Variants in C16orf95 observed in about 807,000 individuals in gnomAD.
C16orf95 encodes the protein chromosome 16 open reading frame 95, also known as uncharacterized protein C16orf95.
A neutral mutation model predicts 32.1 loss-of-function variants in C16orf95; 41 were observed. The ratio of observed to expected loss-of-function variants is 1.28; its 90% CI spans 1.00 to 1.66. C16orf95 has a LOEUF of 1.66. Ranked by LOEUF, C16orf95 falls within the 40% of genes most tolerant of loss-of-function variation. The pLI is 0.00. For missense variants in C16orf95, 399 were observed against 325.9 expected (o/e 1.22, Z -1.73); for synonymous variants, 147 against 128.9 (o/e 1.14, Z -0.95).
intron 3 of C16orf95, among the ~76,000 whole-genome samples, chr16:87,313,576 A>G (rs1460049159): frequency 6.6e-6 from 1 of 152,152 alleles, no homozygotes; most frequent in Non-Finnish European, 1.5e-5. Context: ...TCCACGAAAA[A>G]TAAACAAAAT....
intron 3 of C16orf95, among the ~76,000 whole-genome samples, chr16:87,312,693 G>A (rs1253614939): frequency 2.0e-5 from 3 of 152,070 alleles, no homozygotes; most frequent in Non-Finnish European, 4.4e-5. Flanking sequence ...GGTCTAGCCA[G>A]TGTATCAAGC....
At position 87,305,993 on chromosome 16, in the gene C16orf95, C is replaced by T. The variant is rs1018574464; in HGVS notation, c.515-88G>A. On this transcript the variant is annotated intron_variant, in intron 5 of 6. Transcript: ENST00000567970. The surrounding 1 kb of genome is among the most constrained non-coding windows in gnomAD (Gnocchi z 4.2). Reference sequence around the variant, plus strand: ...GAGGCTGCAACACCAGCCCCAGAGCCTCCGGGAAATGGGGACTTCCAGGAC... The same window carrying T: ...GAGGCTGCAACACCAGCCCCAGAGCTTCCGGGAAATGGGGACTTCCAGGAC... 9.2e-7 allele frequency: 1 copy of T among 1,092,032 alleles called. No homozygotes were observed. The highest frequency in any genetic ancestry group is 2.3e-5 in the South Asian group (1 of 44,282). 67.6% of individuals were successfully genotyped at this position (1,092,032 alleles called of 1,614,324 possible).
In C16orf95 at chr16:87,315,767, C is replaced by A. The variant is rs765819998; in HGVS notation, c.204+5G>T. The A allele has an allele frequency of 3.1e-5, 47 of 1,528,718 alleles. No homozygotes were observed. Among genetic ancestry groups the A allele is most frequent in the Non-Finnish European group, 3.8e-5 (44 of 1,143,110 alleles). The allele number at this position is 1,528,718 out of a possible 1,614,324, so 94.7% of individuals were successfully genotyped here. The stretch of plus-strand genomic sequence containing the variant: ...GGCCAGTGGCTGAGGATTTGCTTTC[C>A]TTACCGAATGACGGGGGAGGCACAC... On this transcript the variant is annotated splice_donor_5th_base_variant and intron_variant, in intron 2 of 6. Coordinates refer to ENST00000567970, the MANE Select transcript of C16orf95 (RefSeq NM_001195124.3).
chr16:87,308,108 G>A (rs916943259), intron 5 of C16orf95, among the ~76,000 whole-genome samples: 4 of 152,170 alleles, frequency 2.6e-5, no homozygotes, highest in African/African-American at 9.7e-5. Context: ...GCCTTGCTGT[G>A]GTAGAGAAGG....
At chr16:87,317,018 T>G in intron 1 of C16orf95, 73 bp downstream of exon 1, 1 of 1,452,848 alleles carries the variant, frequency 6.9e-7, no homozygotes, top group South Asian at 1.4e-5. Context: ...GCATAGGTCA[T>G]GGAGCAATGC....
intron 4 of C16orf95, among the ~76,000 whole-genome samples, chr16:87,310,744 G>A (rs952161698): frequency 1.3e-5 from 2 of 152,170 alleles, no homozygotes; most frequent in South Asian, 4.2e-4. Context: ...AGGGCCAGGG[G>A]AGAGAGTCAG....
chr16:87,304,349 CG>C, intron 6 of C16orf95, among the ~76,000 whole-genome samples: 4 of 150,130 alleles, frequency 2.7e-5, no homozygotes, highest in South Asian at 4.4e-4. Context: ...CCACTGTGCC[CG>C]GCCTCGCCCA....
intron 4 of C16orf95, among the ~76,000 whole-genome samples, chr16:87,310,623 G>A (rs1911238288): frequency 6.6e-6 from 1 of 152,208 alleles, no homozygotes; most frequent in Non-Finnish European, 1.5e-5. Flanking sequence ...GAGACCTGCT[G>A]CCGCTGCCCA....
chr16:87,306,946 C>T (rs772252152), intron 5 of C16orf95, among the ~76,000 whole-genome samples: 5 of 152,026 alleles, frequency 3.3e-5, no homozygotes, highest in Non-Finnish European at 7.4e-5. Context: ...GTTTCAAAGC[C>T]AAAAATATTT....
At position 87,302,990 on chromosome 16, in the gene C16orf95, A is replaced by G. The variant is rs558656172; in HGVS notation, c.*67T>C. On this transcript the variant is annotated 3_prime_UTR_variant, in exon 7 of 7. Coordinates refer to ENST00000567970, the MANE Select transcript of C16orf95 (RefSeq NM_001195124.3). ...GTCACAGACGCCTCCTGATTGGTGGACTCTCAAAGATCTTGATCGTGACAC... is the reference window on the plus strand; with the variant it reads ...GTCACAGACGCCTCCTGATTGGTGGGCTCTCAAAGATCTTGATCGTGACAC... 1.5e-4 allele frequency: 218 copies of G among 1,484,588 alleles called. No individual in the cohort carries two copies. The African/African-American group carries it at 2.9e-3, about 20-fold the overall frequency. The allele number at this position is 1,484,588 out of a possible 1,614,324, so 92.0% of individuals were successfully genotyped here.
intron 6 of C16orf95, among the ~76,000 whole-genome samples, chr16:87,304,575 G>C (rs1910925983): frequency 6.6e-6 from 1 of 152,268 alleles, no homozygotes; most frequent in Admixed American, 6.5e-5. Context: ...CTCATGCTCA[G>C]AGACCAAACA....
intron 3 of C16orf95, among the ~76,000 whole-genome samples, chr16:87,314,103 C>G (rs1008332614): frequency 6.6e-6 from 1 of 152,154 alleles, no homozygotes; most frequent in Non-Finnish European, 1.5e-5. Context: ...AAACAGTCAA[C>G]AGGTTTCTTT....
Position 87,317,169 on chromosome 16 carries a change from C to A in C16orf95, c.74G>T (p.Gly25Val). ...CGCGCCCGGCCCCCCGGCAGCAGCG[C>A]CTGAGGCTGCTCCAGTGGCCTCATG... is the stretch of plus-strand genomic sequence containing the variant. ...HHHEATGAAS[G>V]AAAGGPGAGC... The change falls in exon 1 of 7, where the codon GGC (glycine) becomes GTC (valine). Residue 25 changes from glycine (G) to valine (V), a missense_variant. By Grantham distance (109) the Gly-to-Val change is moderately radical (BLOSUM62 -3). Coordinates refer to ENST00000567970, the MANE Select transcript of C16orf95 (RefSeq NM_001195124.3). 8 of 1,531,254 alleles carry A rather than the reference C, an allele frequency of 5.2e-6. No homozygotes were observed. The highest frequency in any genetic ancestry group is 7.0e-6 in the Non-Finnish European group (8 of 1,144,928). 94.9% of individuals were successfully genotyped at this position (1,531,254 alleles called of 1,614,324 possible).
Position 87,305,572 on chromosome 16 carries a change from GAC to G in C16orf95, c.701+145_701+146del. 1 of 609,046 alleles carries G rather than the reference GAC, an allele frequency of 1.6e-6. No homozygotes were observed. The highest frequency in any genetic ancestry group is 2.6e-6 in the Non-Finnish European group (1 of 381,466). 37.7% of individuals were successfully genotyped at this position (609,046 alleles called of 1,614,324 possible). A position where few individuals can be genotyped will look rare whatever the true frequency, so the allele number is the denominator to read the frequency against. ...GCCTGCGCTGTGCAGAGCACCACAG[GAC>G]ACACTCACAGTGCCGGGCCTTGGAC... On this transcript the variant is annotated intron_variant, in intron 6 of 6. Transcript: ENST00000567970. The surrounding 1 kb of genome is among the most constrained non-coding windows in gnomAD (Gnocchi z 4.2).
chr16:87,315,227 A>G (rs1904310067), intron 2 of C16orf95, 131 bp from the exon 3 acceptor site: 3 of 953,154 alleles, frequency 3.1e-6, no homozygotes, highest in Non-Finnish European at 4.5e-6. Context: ...CTCCTACTGC[A>G]GCTTGGAAAG....
At position 87,317,232 on chromosome 16, in the gene C16orf95, C is replaced by T. The variant is rs1169982863; in HGVS notation, c.11G>A (p.Ser4Asn). The T allele has an allele frequency of 6.5e-7, 1 of 1,528,038 alleles. No homozygotes were observed. 94.7% of individuals were successfully genotyped at this position (1,528,038 alleles called of 1,614,324 possible). MRA[S>N]RSPPSPRRCH... ...ACGCCGCGGGGACGGTGGGGACCGG[C>T]TCGCACGCATATGGCTTCTTATGGC... is the stretch of plus-strand genomic sequence containing the variant. Residue 4 changes from serine to asparagine, a missense_variant, in exon 1 of 7, where the codon AGC (serine) becomes AAC (asparagine). Transcript: ENST00000567970.
rs758833926 is a variant in C16orf95 at position 87,317,235 on chromosome 16, G to A, written c.8C>T (p.Ala3Val). The change falls in exon 1 of 7, where the codon GCG becomes GTG. Residue 3 changes from alanine to valine, a missense_variant. Transcript: ENST00000567970. ...CCGCGGGGACGGTGGGGACCGGCTCGCACGCATATGGCTTCTTATGGCTGA... is the reference window on the plus strand; with the variant it reads ...CCGCGGGGACGGTGGGGACCGGCTCACACGCATATGGCTTCTTATGGCTGA... MR[A>V]SRSPPSPRRC... 2.6e-6 allele frequency: 4 copies of A among 1,525,676 alleles called. No homozygotes were observed. Among genetic ancestry groups the A allele is most frequent in the Admixed American group, 2.0e-5 (1 of 49,558 alleles). 94.5% of individuals were successfully genotyped at this position (1,525,676 alleles called of 1,614,324 possible). A position where few individuals can be genotyped will look rare whatever the true frequency, so the allele number is the denominator to read the frequency against.
chr16:87,307,361 G>C (rs544949910), intron 5 of C16orf95, among the ~76,000 whole-genome samples: 26 of 152,176 alleles, frequency 1.7e-4, no homozygotes, highest in Non-Finnish European at 3.5e-4. Flanking sequence ...CCAGGTCACA[G>C]ACAGATCAAT....
intron 3 of C16orf95, 147 bp downstream of exon 3, chr16:87,314,824 T>G: frequency 1.2e-6 from 1 of 843,966 alleles, no homozygotes; most frequent in Non-Finnish European, 1.8e-6. Context: ...CCATCTGACA[T>G]GAAAATAAAT....
Sources: gnomAD v4.1 joint callset for allele counts (sites outside exome capture counted in the v4.1 genomes callset) on GRCh38, gnomAD v4.1.1 for gene constraint, Gnocchi (gnomAD v3.1) non-coding constraint, MANE v1.5 for transcripts, NCBI Gene and HGNC (gene_info 2026-07-23, HGNC 2026-07-21) for gene names.